ADGRB3: variants seen among roughly 807,000 people sequenced by gnomAD.
The protein encoded by ADGRB3 is adhesion G protein-coupled receptor B3.
A neutral mutation model predicts 193.4 loss-of-function variants in ADGRB3; 37 were observed. The observed-to-expected ratio is 0.19, with a 90% CI of 0.15 to 0.25. ADGRB3 has a LOEUF of 0.25. Ranked by LOEUF, ADGRB3 falls within the 10% of genes least tolerant of loss-of-function variation. The pLI is 1.00. For missense variants in ADGRB3, 1,637 were observed against 1,852.9 expected (o/e 0.88, Z 2.14); for synonymous variants, 690 against 644.2 (o/e 1.07, Z -1.08).
At chr6:68,663,262 C>T (rs1261193419) in intron 3 of ADGRB3, among the ~76,000 whole-genome samples, 3 of 151,378 alleles carry the variant, frequency 2.0e-5, no homozygotes, top group Non-Finnish European at 3.0e-5. Context: ...TACTCTGCTC[C>T]ATTAGACCCA....
chr6:69,141,236 G>T (rs552491110), intron 17 of ADGRB3, among the ~76,000 whole-genome samples: 21 of 152,044 alleles, frequency 1.4e-4, no homozygotes, highest in African/African-American at 4.8e-4. Flanking sequence ...GCATTCTCCT[G>T]CCTCAGCCTC....
Position 69,171,798 on chromosome 6 carries a change from T to C in ADGRB3, c.2481-61492T>C, listed in dbSNP as rs1042960205. ...TATTACTCCAATAAACTACAGAATCTAACTAACCATATATCCTGTGGAAGA... is the reference window on the plus strand; with the variant it reads ...TATTACTCCAATAAACTACAGAATCCAACTAACCATATATCCTGTGGAAGA... On this transcript the variant is annotated intron_variant, in intron 17 of 31. Transcript: ENST00000370598. 4.6e-5 allele frequency among the ~76,000 whole-genome samples: 7 copies of C among 152,294 alleles called. No homozygotes were observed. The East Asian group carries it at 1.4e-3, about 29-fold the overall frequency.
At chr6:69,265,840 T>G (rs2127276233) in intron 20 of ADGRB3, among the ~76,000 whole-genome samples, 1 of 152,076 alleles carries the variant, frequency 6.6e-6, no homozygotes, top group South Asian at 2.1e-4. Flanking sequence ...ATGCCCTCCC[T>G]CAGTAATAAC....
At position 69,035,251 on chromosome 6, in the gene ADGRB3, C is replaced by T. The variant is rs548003134; in HGVS notation, c.2108-12934C>T. Among the ~76,000 whole-genome samples the T allele has an allele frequency of 1.4e-3, 214 of 152,162 alleles. 1 individual carries two copies. Among genetic ancestry groups the T allele is most frequent in the African/African-American group, 5.1e-3 (210 of 41,550 alleles). On this transcript the variant is annotated intron_variant, in intron 13 of 31. Transcript: ENST00000370598. ...TTAAATGCTTAGTAAATGGTGTCTT[C>T]TATTGCTGCTATTGCCCCTTTTCTC...
Position 69,062,973 on chromosome 6 carries a change from A to G in ADGRB3, c.2373A>G (p.Thr791=). 10 of 1,612,392 alleles carry G rather than the reference A, an allele frequency of 6.2e-6. No homozygotes were observed. Among genetic ancestry groups the G allele is most frequent in the East Asian group, 2.2e-5 (1 of 44,800 alleles). The change falls in exon 16 of 32, where the codon ACA becomes ACG. Residue 791 remains threonine, a synonymous_variant. Coordinates refer to ENST00000370598, the MANE Select transcript of ADGRB3 (RefSeq NM_001704.3). ...TTAATTCCAAAATCATCGTGGTCAC[A>G]ATAAGGCCTGAACCCAAAACAACCG... ...TVINSKIIVV[T]IRPEPKTTDS...
At chr6:69,161,391 T>C (rs1275740586) in intron 17 of ADGRB3, among the ~76,000 whole-genome samples, 1 of 152,006 alleles carries the variant, frequency 6.6e-6, no homozygotes, top group African/African-American at 2.4e-5. Flanking sequence ...AGAAAGGACC[T>C]TATAGGCTTA....
intron 3 of ADGRB3, among the ~76,000 whole-genome samples, chr6:68,927,594 CA>C (rs781192925): frequency 7.9e-5 from 12 of 152,006 alleles, no homozygotes; most frequent in Admixed American, 5.9e-4. Context: ...AACTCTAAAA[CA>C]AAGAAGATTT....
intron 20 of ADGRB3, among the ~76,000 whole-genome samples, chr6:69,277,467 C>T (rs1449618150): frequency 6.6e-6 from 1 of 152,066 alleles, no homozygotes; most frequent in African/African-American, 2.4e-5. Context: ...TACAGGACAC[C>T]AGATTGCATA....
At chr6:69,124,613 GTCT>G (rs1290911897) in intron 17 of ADGRB3, among the ~76,000 whole-genome samples, 1 of 152,120 alleles carries the variant, frequency 6.6e-6, no homozygotes, top group East Asian at 1.9e-4. Flanking sequence ...TCAGTATTCA[GTCT>G]TCTTCAGTCT....
intron 29 of ADGRB3, among the ~76,000 whole-genome samples, chr6:69,370,626 A>G (rs1056977312): frequency 2.0e-5 from 3 of 152,072 alleles, no homozygotes; most frequent in African/African-American, 4.8e-5. Context: ...AACAGAATCT[A>G]TCTCTGGTGA....
intron 3 of ADGRB3, among the ~76,000 whole-genome samples, chr6:68,768,044 A>T (rs200403389): frequency 6.6e-6 from 1 of 152,194 alleles, no homozygotes; most frequent in East Asian, 1.9e-4. Context: ...AAGAGAAGAC[A>T]CAAACAAATG....
chr6:68,804,637 A>G (rs867762200), intron 3 of ADGRB3, among the ~76,000 whole-genome samples: 3 of 152,148 alleles, frequency 2.0e-5, no homozygotes, highest in South Asian at 4.1e-4. Flanking sequence ...ATATTTCTCT[A>G]TCATGTGAAC....
At chr6:68,722,106 G>A (rs1372096595) in intron 3 of ADGRB3, among the ~76,000 whole-genome samples, 1 of 151,290 alleles carries the variant, frequency 6.6e-6, no homozygotes, top group African/African-American at 2.4e-5. Context: ...TAAAAATTTA[G>A]CACTTTTGAA....
intron 17 of ADGRB3, among the ~76,000 whole-genome samples, chr6:69,135,288 CT>C (rs34164707): frequency 0.64 from 94,242 of 148,110 alleles, 30,693 homozygotes; most frequent in East Asian, 0.95. Flanking sequence ...ATCACAACTA[CT>C]TTTTTTTTTT....
rs539484727 is a variant in ADGRB3 at position 69,298,064 on chromosome 6, C to T, written c.2815-26808C>T. On this transcript the variant is annotated intron_variant, in intron 20 of 31. Coordinates refer to ENST00000370598, the MANE Select transcript of ADGRB3 (RefSeq NM_001704.3). ...GCAGGCACTCAGTGGTACTAAATTACTTTTCCTTATAAAAGAAAAATTGCA... is the reference window on the plus strand; with the variant it reads ...GCAGGCACTCAGTGGTACTAAATTATTTTTCCTTATAAAAGAAAAATTGCA... Among the ~76,000 whole-genome samples, 12 of 152,144 alleles carry T rather than the reference C, an allele frequency of 7.9e-5. No individual in the cohort carries two copies. The East Asian group carries it at 2.3e-3, about 29-fold the overall frequency.
At chr6:69,215,417 T>C (rs1422949607) in intron 17 of ADGRB3, among the ~76,000 whole-genome samples, 1 of 151,626 alleles carries the variant, frequency 6.6e-6, no homozygotes, top group East Asian at 1.9e-4. Context: ...GTTGTAGCTT[T>C]AAAAAAGAAA....
intron 29 of ADGRB3, among the ~76,000 whole-genome samples, chr6:69,363,848 C>T (rs1326043911): frequency 1.3e-5 from 2 of 151,838 alleles, no homozygotes; most frequent in Admixed American, 6.6e-5. Flanking sequence ...TGCTAGATTG[C>T]GTATGCAGGG....
chr6:69,320,328 TTC>T (rs1385306073), intron 20 of ADGRB3, among the ~76,000 whole-genome samples: 2 of 151,394 alleles, frequency 1.3e-5, no homozygotes, highest in Non-Finnish European at 3.0e-5. Context: ...ACTTATTATT[TTC>T]TTTTTTAAAC....
At chr6:68,915,214 A>G (rs1415536800) in intron 3 of ADGRB3, among the ~76,000 whole-genome samples, 1 of 152,202 alleles carries the variant, frequency 6.6e-6, no homozygotes, top group African/African-American at 2.4e-5. Flanking sequence ...TAGCTACGTA[A>G]TGATGGACAA....
Sources: allele counts gnomAD v4.1 joint callset (sites outside exome capture counted in the v4.1 genomes callset), GRCh38; gene constraint gnomAD v4.1.1; transcripts MANE v1.5; gene names NCBI Gene and HGNC (gene_info 2026-07-23, HGNC 2026-07-21).